UGT1A7: variants seen among roughly 807,000 people sequenced by gnomAD.
The protein encoded by UGT1A7 is UDP glucuronosyltransferase family 1 member A7, also known as UDP-glucuronosyltransferase 1A7.
A neutral mutation model predicts 45.6 loss-of-function variants in UGT1A7; 33 were observed. The observed-to-expected ratio is 0.72, with a 90% CI of 0.55 to 0.97. The LOEUF is 0.97. Among genes scored for constraint, UGT1A7 ranks in the 50% least tolerant of loss-of-function variants. The pLI is 0.00. For synonymous variants in UGT1A7, 274 were observed against 250.6 expected (o/e 1.09, Z -0.88); for missense variants, 684 against 666.2 (o/e 1.03, Z -0.29).
chr2:233,724,295 C>T (rs2077211883), intron 1 of UGT1A7, among the ~76,000 whole-genome samples: 1 of 145,404 alleles, frequency 6.9e-6, no homozygotes, highest in Non-Finnish European at 1.5e-5. Context: ...GGGCTGACCC[C>T]CCCACCTCCC....
At chr2:233,719,559 G>A (rs2076780639) in intron 1 of UGT1A7, 2 of 1,613,878 alleles carry the variant, frequency 1.2e-6, no homozygotes, top group Non-Finnish European at 1.7e-6. Flanking sequence ...GTCAGTGGTG[G>A]ATCTTGTCAG....
At chr2:233,730,836 G>C (rs1337696398) in intron 1 of UGT1A7, among the ~76,000 whole-genome samples, 1 of 152,122 alleles carries the variant, frequency 6.6e-6, no homozygotes, top group African/African-American at 2.4e-5. Flanking sequence ...CTCAGGAGAG[G>C]CTCATCACAT....
Position 233,772,368 on chromosome 2 carries a change from G to A in UGT1A7, c.1402G>A (p.Ala468Thr), listed in dbSNP as rs775532505. Residue 468 changes from alanine to threonine, a missense_variant, in exon 5 of 5, where the codon GCG (alanine) becomes ACG (threonine). Physicochemically the swap from Ala to Thr is moderately conservative, Grantham distance 58. Transcript: ENST00000373426. ...GGAGTTTGTGATGAGGCACAAGGGC[G>A]CGCCACACCTGCGCCCCGCAGCCCA... ...WVEFVMRHKG[A>T]PHLRPAAHDL... 1.1e-4 allele frequency: 174 copies of A among 1,614,102 alleles called. No individual in the cohort carries two copies. In the Middle Eastern group the frequency reaches 1.6e-3, roughly 15 times the overall value.
intron 1 of UGT1A7, among the ~76,000 whole-genome samples, chr2:233,757,733 CA>C (rs1183069560): frequency 6.6e-6 from 1 of 151,564 alleles, no homozygotes; most frequent in Non-Finnish European, 1.5e-5. Context: ...AGATGATCTA[CA>C]GGGCACTGGA....
At position 233,725,055 on chromosome 2, in the gene UGT1A7, C is replaced by T. The variant is rs1006940909; in HGVS notation, c.856-41979C>T. On this transcript the variant is annotated intron_variant, in intron 1 of 4. Transcript: ENST00000373426. ...CACCAAAACCAGTCAGGCGTGGCGG[C>T]GCGCGCCTGCAATCGCAGGCACTCG... is the stretch of plus-strand genomic sequence containing the variant. Among the ~76,000 whole-genome samples the T allele has an allele frequency of 2.2e-4, 33 of 147,502 alleles. 1 individual carries two copies. The highest frequency in any genetic ancestry group is 9.3e-4 in the South Asian group (4 of 4,294).
intron 1 of UGT1A7, among the ~76,000 whole-genome samples, chr2:233,761,361 C>T (rs1202698678): frequency 6.6e-6 from 1 of 152,198 alleles, no homozygotes; most frequent in African/African-American, 2.4e-5. Context: ...GGAAAGCATT[C>T]CTTGGACATT....
chr2:233,699,369 C>T (rs2075501600), intron 1 of UGT1A7, among the ~76,000 whole-genome samples: 1 of 152,102 alleles, frequency 6.6e-6, no homozygotes, highest in African/African-American at 2.4e-5. Context: ...ATTGGTATGG[C>T]TAGATTTCAA....
At chr2:233,729,624 G>A (rs563451648) in intron 1 of UGT1A7, 25 of 1,613,906 alleles carry the variant, frequency 1.5e-5, no homozygotes, top group African/African-American at 6.7e-5. Context: ...AGTACCTGTC[G>A]ATTCCTACTG....
At chr2:233,760,874 C>T in intron 1 of UGT1A7, 1 of 1,614,100 alleles carries the variant, frequency 6.2e-7, no homozygotes, top group Non-Finnish European at 8.5e-7. Flanking sequence ...GTGCCCAGGC[C>T]TCTCTCCTCT....
chr2:233,764,974 G>A (rs1027319616), intron 1 of UGT1A7, among the ~76,000 whole-genome samples: 4 of 152,116 alleles, frequency 2.6e-5, no homozygotes, highest in African/African-American at 9.7e-5. Flanking sequence ...GAGAAGGATG[G>A]TCAGTGTCTG....
chr2:233,747,367 A>T (rs752238909), intron 1 of UGT1A7: 40 of 1,604,286 alleles, frequency 2.5e-5, no homozygotes, highest in Non-Finnish European at 3.4e-5. Context: ...CGGGAGCTCC[A>T]TGCCAGAGGC....
chr2:233,768,027 G>A (rs762903764), intron 3 of UGT1A7, 91 bp downstream of exon 3: 89 of 1,612,900 alleles, frequency 5.5e-5, no homozygotes, highest in Non-Finnish European at 7.1e-5. Context: ...TGTTGAGCTT[G>A]AAAATATTAT....
intron 1 of UGT1A7, chr2:233,719,682 T>A: frequency 6.2e-7 from 1 of 1,614,086 alleles, no homozygotes; most frequent in South Asian, 1.1e-5. Flanking sequence ...GAAGCCACTA[T>A]CTCAGGTCTG....
chr2:233,755,203 AC>A (rs1695811923), intron 1 of UGT1A7: 1 of 1,097,556 alleles, frequency 9.1e-7, no homozygotes, highest in East Asian at 4.8e-5. Flanking sequence ...AGCTTGCGGT[AC>A]GCCTTCTTGA....
Position 233,760,233 on chromosome 2 carries a change from C to CATATAT in UGT1A7, c.856-6791_856-6786dup, listed in dbSNP as rs3064744. 17 of 1,510,056 alleles carry CATATAT rather than the reference C, an allele frequency of 1.1e-5. No individual in the cohort carries two copies. The African/African-American group carries it at 1.9e-4, about 17-fold the overall frequency. The allele number at this position is 1,510,056 out of a possible 1,614,324, so 93.5% of individuals were successfully genotyped here. On this transcript the variant is annotated intron_variant, in intron 1 of 4. Coordinates refer to ENST00000373426, the MANE Select transcript of UGT1A7 (RefSeq NM_019077.3). ...ACTTGGTGTATCGATTGGTTTTTGC[C>CATATAT]ATATATATATATATAAGTAGGAGAG...
chr2:233,688,732 T>G (rs1017805179), intron 1 of UGT1A7, among the ~76,000 whole-genome samples: 1 of 152,124 alleles, frequency 6.6e-6, no homozygotes, highest in African/African-American at 2.4e-5. Context: ...AGTCTTTGAG[T>G]GACTGGGATA....
At chr2:233,714,144 C>G (rs1160387494) in intron 1 of UGT1A7, among the ~76,000 whole-genome samples, 1 of 152,184 alleles carries the variant, frequency 6.6e-6, no homozygotes, top group Admixed American at 6.5e-5. Flanking sequence ...AAAGCACCAT[C>G]TTCATGGCTG....
intron 1 of UGT1A7, chr2:233,743,112 A>G (rs1313139997): frequency 1.1e-5 from 4 of 354,674 alleles, no homozygotes; most frequent in Non-Finnish European, 1.7e-5. Flanking sequence ...GCTGTTCTGA[A>G]AGTAAAGTTC....
chr2:233,691,190 G>A, intron 1 of UGT1A7: 1 of 985,670 alleles, frequency 1.0e-6, no homozygotes, highest in Non-Finnish European at 1.2e-6. Context: ...CAAGAAGGTG[G>A]ACCTGAGCTC....
Sources: gnomAD v4.1 joint callset for allele counts (sites outside exome capture counted in the v4.1 genomes callset) on GRCh38, gnomAD v4.1.1 for gene constraint, MANE v1.5 for transcripts, NCBI Gene and HGNC (gene_info 2026-07-23, HGNC 2026-07-21) for gene names.